The following ADGRG2 variants were observed in gnomAD, a reference collection of about 807,000 sequenced individuals.
ADGRG2 encodes adhesion G protein-coupled receptor G2, also known as G protein-coupled receptor 64.
ADGRG2 carries 26 observed loss-of-function variants against 74.1 expected under a neutral mutation model. That is an observed-to-expected ratio of 0.35 (90% CI 0.26 to 0.49). The LOEUF (loss-of-function observed/expected upper bound fraction) is 0.49. Among genes scored for constraint, ADGRG2 ranks in the 20% least tolerant of loss-of-function variants. ADGRG2 has a pLI of 0.99. For synonymous variants in ADGRG2, 296 were observed against 295.2 expected (o/e 1.00, Z -0.03); for missense variants, 619 against 763.1 (o/e 0.81, Z 2.22).
At chrX:19,084,811 C>T (rs951100838) in intron 1 of ADGRG2, among the ~76,000 whole-genome samples, 11 of 111,822 alleles carry the variant, frequency 9.8e-5, no homozygotes, top group Non-Finnish European at 1.9e-4. Flanking sequence ...AGGCTCTGTT[C>T]GCTCCCTTGG....
At chrX:19,000,981 C>G (rs1406660725) in intron 24 of ADGRG2, among the ~76,000 whole-genome samples, 7 of 110,924 alleles carry the variant, frequency 6.3e-5, no homozygotes, top group Non-Finnish European at 1.3e-4. Flanking sequence ...GTGATCCGCC[C>G]ACCTCGGCCT....
In ADGRG2 at chrX:19,010,545, T is replaced by C. The variant is rs142788044; in HGVS notation, c.1265+68A>G. On this transcript the variant is annotated intron_variant, in intron 17 of 28. Transcript: ENST00000379869. ...GGAGTAAAAGACTTGGTGATATTAA[T>C]CATGTGAGCAGCATCTTTATCTTTG... The C allele has an allele frequency of 5.8e-5, 51 of 883,722 alleles. No individual in the cohort carries two copies. The African/African-American group carries it at 9.8e-4, about 17-fold the overall frequency. The allele number at this position is 883,722 out of a possible 1,213,427, so 72.8% of individuals were successfully genotyped here. A position where few individuals can be genotyped will look rare whatever the true frequency, so the allele number is the denominator to read the frequency against.
At chrX:19,096,006 G>A (rs1479476300) in intron 1 of ADGRG2, among the ~76,000 whole-genome samples, 1 of 111,409 alleles carries the variant, frequency 9.0e-6, no homozygotes, top group East Asian at 2.8e-4. Context: ...GCAACAGAGG[G>A]AGCCCTTGTC....
At chrX:19,089,118 G>A (rs2061975765) in intron 1 of ADGRG2, among the ~76,000 whole-genome samples, 1 of 112,199 alleles carries the variant, frequency 8.9e-6, no homozygotes, top group South Asian at 3.7e-4. Context: ...CAGAAAAACT[G>A]TGGAAGATAG....
At chrX:19,111,349 C>T (rs1001465610) in intron 1 of ADGRG2, among the ~76,000 whole-genome samples, 10 of 110,813 alleles carry the variant, frequency 9.0e-5, no homozygotes, top group African/African-American at 3.0e-4. Flanking sequence ...AATGAATGGG[C>T]TCATCCCAGG....
rs184361312 is a variant in ADGRG2 at position 19,017,900 on chromosome X, G to A, written c.710+1699C>T. Among the ~76,000 whole-genome samples the A allele has an allele frequency of 1.4e-3, 150 of 110,798 alleles. 1 individual carries two copies. Among genetic ancestry groups the A allele is most frequent in the African/African-American group, 4.6e-3 (142 of 30,554 alleles). ...AAAACAAACAAAACTCATAATGCCA[G>A]CAGGCAGGTCACTCATGGGGAACCA... On this transcript the variant is annotated intron_variant, in intron 15 of 28. Transcript: ENST00000379869.
chrX:19,032,039 G>C (rs1346935814), intron 8 of ADGRG2: 2 of 112,223 alleles, frequency 1.8e-5, no homozygotes, highest in Non-Finnish European at 3.8e-5. Flanking sequence ...ATGCCCAACT[G>C]CAAGTTTATT....
chrX:19,020,952 C>T (rs190893080), intron 14 of ADGRG2, 152 bp downstream of exon 14: 7,485 of 438,054 alleles, frequency 0.017, 59 homozygotes, highest in Middle Eastern at 0.038. Context: ...GAGACTCTGC[C>T]TCAAAAAAAA....
chrX:19,107,906 C>G (rs1323857918), intron 1 of ADGRG2, among the ~76,000 whole-genome samples: 23 of 104,602 alleles, frequency 2.2e-4, no homozygotes, highest in Non-Finnish European at 5.9e-5. Flanking sequence ...CGAGACCATC[C>G]TGGCTAACAC....
At chrX:18,992,320 C>T (rs1731350919) in intron 28 of ADGRG2, among the ~76,000 whole-genome samples, 1 of 112,440 alleles carries the variant, frequency 8.9e-6, no homozygotes, top group African/African-American at 3.2e-5. Flanking sequence ...GACGGAGTCT[C>T]GTTCTGTCGC....
At chrX:19,099,239 C>G (rs749745983) in intron 1 of ADGRG2, among the ~76,000 whole-genome samples, 26 of 111,384 alleles carry the variant, frequency 2.3e-4, no homozygotes, top group Non-Finnish European at 4.2e-4. Context: ...TGACAAGAAA[C>G]AACAGCCAAA....
intron 1 of ADGRG2, among the ~76,000 whole-genome samples, 173 bp downstream of exon 1, chrX:19,122,269 C>T (rs1357443129): frequency 3.6e-5 from 4 of 112,479 alleles, no homozygotes; most frequent in African/African-American, 1.3e-4. Context: ...TGTTCCCGGG[C>T]CCCGGCTAGG....
At chrX:19,093,130 C>T (rs895887702) in intron 1 of ADGRG2, among the ~76,000 whole-genome samples, 6 of 112,176 alleles carry the variant, frequency 5.3e-5, no homozygotes, top group Admixed American at 2.8e-4. Flanking sequence ...CAAGCTTTTC[C>T]TCTTAGCTAG....
intron 1 of ADGRG2, among the ~76,000 whole-genome samples, chrX:19,100,418 G>A (rs1303810011): frequency 1.8e-5 from 2 of 113,324 alleles, no homozygotes; most frequent in East Asian, 2.8e-4. Context: ...GTGAATGAGC[G>A]TGACTCTGTT....
intron 13 of ADGRG2, among the ~76,000 whole-genome samples, chrX:19,022,582 A>C (rs757504698): frequency 8.9e-6 from 1 of 112,164 alleles, no homozygotes; most frequent in Non-Finnish European, 1.9e-5. Context: ...CACAGCCAGG[A>C]TAGCCAATGG....
At chrX:19,112,167 G>T (rs893065026) in intron 1 of ADGRG2, among the ~76,000 whole-genome samples, 3 of 110,411 alleles carry the variant, frequency 2.7e-5, no homozygotes, top group African/African-American at 9.9e-5. Context: ...GATCTCCTGG[G>T]TTCAAGTGAT....
rs762794766 is a variant in ADGRG2 at position 18,996,129 on chromosome X, A to T, written c.2638T>A (p.Cys880Ser). The T allele has an allele frequency of 8.7e-7, 1 of 1,155,892 alleles. No homozygotes were observed. The highest frequency in any genetic ancestry group is 3.0e-5 in the East Asian group (1 of 33,563). The stretch of plus-strand genomic sequence containing the variant: ...TTCCTGACATTTTCTTTGGCCACAC[A>T]GTAAAAGATGAATATGAAAAATCCT... Reference protein sequence around the residue: ...LQGFFIFIFYCVAKENVRKQW... With the variant: ...LQGFFIFIFYSVAKENVRKQW... Residue 880 changes from cysteine to serine, a missense_variant, in exon 27 of 29, where the codon TGT (cysteine) becomes AGT (serine). Transcript: ENST00000379869.
chrX:19,008,976 C>T (rs2060294589), intron 18 of ADGRG2, among the ~76,000 whole-genome samples: 1 of 111,619 alleles, frequency 9.0e-6, no homozygotes, highest in Non-Finnish European at 1.9e-5. Context: ...ATACTCAGCA[C>T]CACTATATAC....
At chrX:19,001,884 G>A (rs2060138440) in intron 24 of ADGRG2, among the ~76,000 whole-genome samples, 1 of 111,266 alleles carries the variant, frequency 9.0e-6, no homozygotes, top group Non-Finnish European at 1.9e-5. Flanking sequence ...ATCACTTGGA[G>A]CCAGTTTCTT....
Sources: allele counts gnomAD v4.1 joint callset (sites outside exome capture counted in the v4.1 genomes callset), GRCh38; gene constraint gnomAD v4.1.1; transcripts MANE v1.5; gene names NCBI Gene and HGNC (gene_info 2026-07-23, HGNC 2026-07-21).